KCNIP4: variants seen among roughly 807,000 people sequenced by gnomAD.
The protein encoded by KCNIP4 is potassium voltage-gated channel interacting protein 4.
A neutral mutation model predicts 34.0 loss-of-function variants in KCNIP4; 12 were observed. The observed-to-expected ratio is 0.35, with a 90% confidence interval of 0.23 to 0.57. KCNIP4 has a LOEUF of 0.57. Among genes scored for constraint, KCNIP4 ranks in the 20% least tolerant of loss-of-function variants. The probability of loss-of-function intolerance (pLI) is 0.83; values close to 1 mark genes in which losing one functional copy is unlikely to be tolerated. For missense variants in KCNIP4, 238 were observed against 311.7 expected (o/e 0.76, Z 1.78); for synonymous variants, 124 against 102.2 (o/e 1.21, Z -1.29).
intron 1 of KCNIP4, among the ~76,000 whole-genome samples, chr4:21,882,575 A>C (rs985498808): frequency 2.6e-5 from 4 of 152,126 alleles, no homozygotes; most frequent in African/African-American, 9.7e-5. Context: ...GCAGAGGAAA[A>C]GCTTGCAGAA....
chr4:21,158,821 T>C (rs921046490), intron 1 of KCNIP4, among the ~76,000 whole-genome samples: 1 of 152,158 alleles, frequency 6.6e-6, no homozygotes, highest in Non-Finnish European at 1.5e-5. Flanking sequence ...GTATTGAGCA[T>C]GAAGAAGATA....
chr4:21,943,977 A>G (rs4634206), intron 1 of KCNIP4, among the ~76,000 whole-genome samples: 37,898 of 150,464 alleles, frequency 0.25, 5,472 homozygotes, highest in South Asian at 0.36. Flanking sequence ...TTTTAACAAC[A>G]TGCCTCAAAA....
In KCNIP4 at chr4:21,015,621, GTATATTGTATTAAT is replaced by G. The variant is rs1739444747; in HGVS notation, c.62-132926_62-132913del. ...TATTGTATTAATATAATATAATATAGTATATTGTATTAATATAATATAATATAGTATATTGTATT... is the reference window on the plus strand; with the variant it reads ...TATTGTATTAATATAATATAATATAGATAATATAATATAGTATATTGTATT... On this transcript the variant is annotated intron_variant, in intron 1 of 8. Transcript: ENST00000382152. Among the ~76,000 whole-genome samples the G allele has an allele frequency of 5.0e-5, 6 of 119,974 alleles. 1 individual carries two copies. In the South Asian group the frequency reaches 1.5e-3, roughly 31 times the overall value. 78.7% of individuals were successfully genotyped at this position (119,974 alleles called of 152,430 possible). A position where few individuals can be genotyped will look rare whatever the true frequency, so the allele number is the denominator to read the frequency against.
intron 1 of KCNIP4, among the ~76,000 whole-genome samples, chr4:21,393,721 G>A (rs917993682): frequency 3.3e-5 from 5 of 152,182 alleles, no homozygotes; most frequent in African/African-American, 9.6e-5. Flanking sequence ...ATCACACTAT[G>A]ATGTTATCTG....
intron 3 of KCNIP4, among the ~76,000 whole-genome samples, chr4:20,786,013 G>C (rs897370715): frequency 6.6e-6 from 1 of 151,976 alleles, no homozygotes; most frequent in South Asian, 2.1e-4. Context: ...GTTTATCACA[G>C]CACTATTCAC....
At chr4:21,586,267 T>TATG (rs1741598950) in intron 1 of KCNIP4, among the ~76,000 whole-genome samples, 1 of 152,158 alleles carries the variant, frequency 6.6e-6, no homozygotes, top group African/African-American at 2.4e-5. Flanking sequence ...TTTTAAATTA[T>TATG]ATGTTCCATA....
intron 1 of KCNIP4, among the ~76,000 whole-genome samples, chr4:21,053,414 C>T (rs1446711989): frequency 6.6e-6 from 1 of 152,060 alleles, no homozygotes; most frequent in Non-Finnish European, 1.5e-5. Flanking sequence ...TAACATTGTA[C>T]TTAAGGTAAA....
At chr4:21,375,918 G>T (rs961013259) in intron 1 of KCNIP4, among the ~76,000 whole-genome samples, 1 of 152,026 alleles carries the variant, frequency 6.6e-6, no homozygotes, top group African/African-American at 2.4e-5. Flanking sequence ...AAATACTCAC[G>T]TTCAAAAAGG....
intron 1 of KCNIP4, among the ~76,000 whole-genome samples, chr4:21,550,793 A>C (rs917884542): frequency 3.3e-5 from 5 of 152,228 alleles, no homozygotes; most frequent in African/African-American, 4.8e-5. Flanking sequence ...ATTTTGTGTG[A>C]GCATAACATA....
chr4:21,253,677 G>A (rs1760871866), intron 1 of KCNIP4, among the ~76,000 whole-genome samples: 2 of 152,158 alleles, frequency 1.3e-5, no homozygotes, highest in African/African-American at 2.4e-5. Flanking sequence ...AAAATCACCT[G>A]AGTCCACTGG....
intron 1 of KCNIP4, among the ~76,000 whole-genome samples, chr4:21,859,033 A>C (rs1183279248): frequency 1.3e-5 from 2 of 152,238 alleles, no homozygotes; most frequent in Non-Finnish European, 2.9e-5. Context: ...AAGCAAAATC[A>C]GACACAAGGA....
chr4:20,761,701 C>T (rs1754976720), intron 3 of KCNIP4, among the ~76,000 whole-genome samples: 1 of 152,116 alleles, frequency 6.6e-6, no homozygotes, highest in South Asian at 2.1e-4. Context: ...CCTTCAGTCT[C>T]TAGATATATT....
intron 1 of KCNIP4, among the ~76,000 whole-genome samples, chr4:21,423,839 G>C (rs868551940): frequency 1.4e-5 from 2 of 147,380 alleles, no homozygotes; most frequent in African/African-American, 2.5e-5. Context: ...ACGGAGTCTC[G>C]CTCTGTCGCC....
intron 1 of KCNIP4, among the ~76,000 whole-genome samples, chr4:21,282,495 T>TAA (rs1482325444): frequency 1.4e-5 from 2 of 147,970 alleles, no homozygotes; most frequent in Admixed American, 1.4e-4. Flanking sequence ...TGTGTGTGTG[T>TAA]AATGCTGTTA....
chr4:21,259,559 G>A (rs1761313273), intron 1 of KCNIP4, among the ~76,000 whole-genome samples: 1 of 152,050 alleles, frequency 6.6e-6, no homozygotes, highest in South Asian at 2.1e-4. Context: ...GCTACTGGTT[G>A]TATGCTGGAA....
chr4:21,372,445 T>G (rs1167273432), intron 1 of KCNIP4, among the ~76,000 whole-genome samples: 1 of 146,582 alleles, frequency 6.8e-6, no homozygotes, highest in East Asian at 2.0e-4. Flanking sequence ...TGTATATATA[T>G]GTGTGTATGT....
At chr4:21,568,908 A>G (rs1166318919) in intron 1 of KCNIP4, among the ~76,000 whole-genome samples, 1 of 152,096 alleles carries the variant, frequency 6.6e-6, no homozygotes. Context: ...ACTGACTAAT[A>G]CAGTGAAGAT....
At chr4:21,158,343 T>A (rs1753308563) in intron 1 of KCNIP4, among the ~76,000 whole-genome samples, 1 of 151,460 alleles carries the variant, frequency 6.6e-6, no homozygotes, top group Non-Finnish European at 1.5e-5. Context: ...GGGAAAGGCG[T>A]TACAAATAAA....
intron 1 of KCNIP4, among the ~76,000 whole-genome samples, chr4:21,587,616 C>T (rs898093969): frequency 6.6e-6 from 1 of 152,006 alleles, no homozygotes; most frequent in African/African-American, 2.4e-5. Context: ...CTTATTCTAT[C>T]CCAGACGATT....
Sources: gnomAD v4.1 joint callset for allele counts (sites outside exome capture counted in the v4.1 genomes callset) on GRCh38, gnomAD v4.1.1 for gene constraint, MANE v1.5 for transcripts, NCBI Gene and HGNC (gene_info 2026-07-23, HGNC 2026-07-21) for gene names.